The following RNF139 variants were observed in gnomAD, a reference collection of about 807,000 sequenced individuals.
The protein encoded by RNF139 is E3 ubiquitin-protein ligase RNF139.
In RNF139, 15 loss-of-function variants were observed where a neutral mutation model predicts 49.5. The ratio of observed to expected loss-of-function variants is 0.30; its 90% confidence interval spans 0.20 to 0.47. RNF139 has a LOEUF of 0.47. Among genes scored for constraint, RNF139 ranks in the 20% least tolerant of loss-of-function variants. RNF139 has a pLI of 1.00. For synonymous variants in RNF139, 325 were observed against 300.9 expected, an observed-to-expected ratio of 1.08 and a Z score of -0.83; for missense variants, 619 against 806.3, an observed-to-expected ratio of 0.77 and a Z score of 2.81.
Position 124,487,912 on chromosome 8 carries a change from A to G in RNF139, c.*268A>G, listed in dbSNP as rs548609268. ...CATTTTTATGACAAAATTTGAACAA[A>G]TAGCTTTTTAATAGATGTAATGATC... On this transcript the variant is annotated 3_prime_UTR_variant, in exon 2 of 2. Transcript: ENST00000303545. 5.9e-6 allele frequency: 2 copies of G among 337,892 alleles called. No individual in the cohort carries two copies. The highest frequency in any genetic ancestry group is 8.8e-5 in the Admixed American group (2 of 22,634). The allele number at this position is 337,892 out of a possible 1,614,324, so 20.9% of individuals were successfully genotyped here.
chr8:124,479,625 A>T (rs1463930300), intron 1 of RNF139, among the ~76,000 whole-genome samples: 1 of 152,162 alleles, frequency 6.6e-6, no homozygotes, highest in African/African-American at 2.4e-5. Context: ...TCCCCTGCCC[A>T]TTAGATGCCA....
At chr8:124,480,389 GCGAGAC>G (rs1182970725) in intron 1 of RNF139, among the ~76,000 whole-genome samples, 1 of 136,128 alleles carries the variant, frequency 7.3e-6, no homozygotes, top group Non-Finnish European at 1.5e-5. Flanking sequence ...GGGCAACAGA[GCGAGAC>G]TCCATCACTA....
intron 1 of RNF139, among the ~76,000 whole-genome samples, chr8:124,479,313 G>A (rs767187028): frequency 1.3e-5 from 2 of 152,190 alleles, no homozygotes; most frequent in African/African-American, 2.4e-5. Flanking sequence ...CTATGGGCAA[G>A]CATTACTGGA....
chr8:124,482,674 C>T (rs1229054100), intron 1 of RNF139, among the ~76,000 whole-genome samples: 2 of 151,578 alleles, frequency 1.3e-5, no homozygotes, highest in African/African-American at 2.4e-5. Context: ...CGCCTATAAT[C>T]GCAGTAGTTT....
chr8:124,477,563 A>G (rs754603540), intron 1 of RNF139, among the ~76,000 whole-genome samples: 8 of 152,200 alleles, frequency 5.3e-5, no homozygotes, highest in Non-Finnish European at 7.3e-5. Flanking sequence ...ACTCCCCTCT[A>G]CCTACAAAAT....
At chr8:124,475,758 G>T (rs1816303836) in intron 1 of RNF139, among the ~76,000 whole-genome samples, 2 of 152,192 alleles carry the variant, frequency 1.3e-5, no homozygotes. Flanking sequence ...ACAGGATCGT[G>T]AAGTGTCTGC....
intron 1 of RNF139, among the ~76,000 whole-genome samples, chr8:124,483,789 A>G (rs891423271): frequency 5.9e-5 from 9 of 152,048 alleles, no homozygotes; most frequent in African/African-American, 2.2e-4. Flanking sequence ...ATGGTTTCTC[A>G]TTGTCTGAAA....
intron 1 of RNF139, among the ~76,000 whole-genome samples, chr8:124,479,472 A>G (rs1203724773): frequency 1.3e-5 from 2 of 152,184 alleles, no homozygotes; most frequent in African/African-American, 4.8e-5. Context: ...GAAGTGAAAA[A>G]ACAAAGCCGA....
chr8:124,480,594 A>G (rs1375358541), intron 1 of RNF139, among the ~76,000 whole-genome samples: 4 of 152,154 alleles, frequency 2.6e-5, no homozygotes, highest in Non-Finnish European at 5.9e-5. Flanking sequence ...GTGTTCAGCT[A>G]TCTGAGAGCT....
Position 124,487,628 on chromosome 8 carries a change from A to G in RNF139, c.1979A>G (p.Asn660Ser), listed in dbSNP as rs1586528446. 2 of 1,603,878 alleles carry G rather than the reference A, an allele frequency of 1.2e-6. No homozygotes were observed. Among genetic ancestry groups the G allele is most frequent in the Non-Finnish European group, 1.7e-6 (2 of 1,174,464 alleles). The change falls in exon 2 of 2, where the codon AAT (asparagine) becomes AGT (serine). Residue 660 changes from asparagine to serine, a missense_variant. Coordinates refer to ENST00000303545, the MANE Select transcript of RNF139 (RefSeq NM_007218.4). ...QHTGAAAEEFNDDTD is the reference protein window; with the variant it reads ...QHTGAAAEEFSDDTD The stretch of plus-strand genomic sequence containing the variant: ...ACAGGCGCAGCAGCTGAAGAATTTA[A>G]TGATGATACTGACTGATGAAAATAG...
intron 1 of RNF139, among the ~76,000 whole-genome samples, chr8:124,483,082 TA>T (rs1816470907): frequency 1.2e-4 from 1 of 8,162 alleles, no homozygotes; most frequent in Non-Finnish European, 1.7e-4. Context: ...ATTATTTAAA[TA>T]TATATATATT....
In RNF139 at chr8:124,487,122, G is replaced by A. The variant is rs72713066; in HGVS notation, c.1473G>A (p.Ser491=). The A allele has an allele frequency of 0.07, 112,884 of 1,613,514 alleles. 7,139 individuals are homozygous for A. Among genetic ancestry groups the A allele is most frequent in the South Asian group, 0.28 (25,089 of 91,066 alleles). Residue 491 remains serine (S), a synonymous_variant, in exon 2 of 2, where the codon TCG becomes TCA. Transcript: ENST00000303545. The part of the protein sequence containing the change: ...GNGAYTMMFE[S]GSKIRAFMMC... Reference sequence around the variant, plus strand: ...GGGCTTACACTATGATGTTTGAGTCGGGAAGTAAAATTCGGGCTTTTATGA... The same window carrying A: ...GGGCTTACACTATGATGTTTGAGTCAGGAAGTAAAATTCGGGCTTTTATGA...
chr8:124,483,113 A>AT (rs1165688842), intron 1 of RNF139, among the ~76,000 whole-genome samples: 1 of 514 alleles, frequency 1.9e-3, no homozygotes, highest in Non-Finnish European at 2.7e-3. Context: ...ATATATTAAA[A>AT]ATATATATAT....
rs1185839887 is a variant in RNF139, at chr8:124,487,121, C to T, written c.1472C>T (p.Ser491Leu). The T allele has an allele frequency of 1.2e-6, 2 of 1,613,706 alleles. No homozygotes were observed. Among genetic ancestry groups the T allele is most frequent in the African/African-American group, 1.3e-5 (1 of 74,970 alleles). ...GGGGCTTACACTATGATGTTTGAGT[C>T]GGGAAGTAAAATTCGGGCTTTTATG... ...GNGAYTMMFE[S>L]GSKIRAFMMC... The change falls in exon 2 of 2, where the codon TCG (serine) becomes TTG (leucine). Residue 491 changes from serine (S) to leucine (L), a missense_variant. Around this residue, in one of 2 missense-constraint regions of RNF139, gnomAD observed 530 missense variants for 728.9 expected, o/e 0.73. Coordinates refer to ENST00000303545, the MANE Select transcript of RNF139 (RefSeq NM_007218.4).
chr8:124,487,058 T>G lies in RNF139; in HGVS notation c.1409T>G (p.Ile470Ser). 6.2e-7 allele frequency: 1 copy of G among 1,614,044 alleles called. No homozygotes were observed. Among genetic ancestry groups the G allele is most frequent in the Non-Finnish European group, 8.5e-7 (1 of 1,179,980 alleles). Residue 470 changes from isoleucine to serine, a missense_variant, in exon 2 of 2, where the codon ATT (isoleucine) becomes AGT (serine). Around this residue, in one of 2 missense-constraint regions of RNF139, gnomAD observed 530 missense variants for 728.9 expected, o/e 0.73. Coordinates refer to ENST00000303545, the MANE Select transcript of RNF139 (RefSeq NM_007218.4). ...YVYYVRSTGS[I>S]IEFIFGVVMF... is the part of the protein sequence containing the mutation. Reference sequence around the variant, plus strand: ...TACTACGTTCGTTCAACAGGCAGTATTATTGAATTTATATTTGGAGTTGTA... The same window carrying G: ...TACTACGTTCGTTCAACAGGCAGTAGTATTGAATTTATATTTGGAGTTGTA...
At chr8:124,478,712 A>G (rs1328583903) in intron 1 of RNF139, among the ~76,000 whole-genome samples, 1 of 150,968 alleles carries the variant, frequency 6.6e-6, no homozygotes, top group Non-Finnish European at 1.5e-5. Context: ...AATTTATACA[A>G]TTTTGGAAGA....
chr8:124,479,614 A>C (rs577027228), intron 1 of RNF139, among the ~76,000 whole-genome samples: 1 of 152,212 alleles, frequency 6.6e-6, no homozygotes, highest in South Asian at 2.1e-4. Flanking sequence ...CAGCATCACT[A>C]TCCCCTGCCC....
chr8:124,481,574 A>G (rs1462561581), intron 1 of RNF139, among the ~76,000 whole-genome samples: 2 of 152,102 alleles, frequency 1.3e-5, no homozygotes, highest in African/African-American at 4.8e-5. Flanking sequence ...AAGTTCCTGA[A>G]TTGATTTGGA....
intron 1 of RNF139, among the ~76,000 whole-genome samples, chr8:124,482,870 G>T (rs1483797715): frequency 1.4e-5 from 2 of 143,840 alleles, no homozygotes; most frequent in Non-Finnish European, 1.5e-5. Context: ...AGGTTGCAGT[G>T]AGCCAAGATC....
Sources: gnomAD v4.1 joint callset for allele counts (sites outside exome capture counted in the v4.1 genomes callset) on GRCh38, gnomAD v4.1.1 for gene constraint, gnomAD v4.1.1 regional missense constraint, MANE v1.5 for transcripts, NCBI Gene and HGNC (gene_info 2026-07-23, HGNC 2026-07-21) for gene names.